FAT3: variants seen among roughly 807,000 people sequenced by gnomAD.
FAT3 encodes the protein FAT atypical cadherin 3.
In FAT3, 95 loss-of-function variants were observed where a neutral mutation model predicts 310.2. The ratio of observed to expected loss-of-function variants is 0.31; its 90% CI spans 0.26 to 0.36. The LOEUF (loss-of-function observed/expected upper bound fraction) is 0.36. Ranked by LOEUF, FAT3 falls within the 10% of genes least tolerant of loss-of-function variation. FAT3 has a pLI of 1.00. For missense variants in FAT3, 5,408 were observed against 5,715.6 expected (o/e 0.95, Z 1.74); for synonymous variants, 2,314 against 2,192.9 (o/e 1.06, Z -1.54).
intron 2 of FAT3, among the ~76,000 whole-genome samples, chr11:92,363,243 C>G (rs918943451): frequency 1.3e-5 from 2 of 152,136 alleles, no homozygotes; most frequent in Non-Finnish European, 2.9e-5. Flanking sequence ...GTCTAATATT[C>G]TTTGTCCAAA....
intron 8 of FAT3, among the ~76,000 whole-genome samples, chr11:92,790,806 T>C (rs1947022029): frequency 6.6e-6 from 1 of 152,220 alleles, no homozygotes; most frequent in African/African-American, 2.4e-5. Flanking sequence ...AAAGTAGTGT[T>C]TAGCTAGTTC....
intron 3 of FAT3, among the ~76,000 whole-genome samples, chr11:92,687,190 C>A (rs552726300): frequency 6.6e-6 from 1 of 152,132 alleles, no homozygotes; most frequent in Non-Finnish European, 1.5e-5. Flanking sequence ...CATCTGAGTA[C>A]AAGCCACTGT....
chr11:92,418,839 G>C (rs533307882), intron 2 of FAT3, among the ~76,000 whole-genome samples: 1 of 152,214 alleles, frequency 6.6e-6, no homozygotes, highest in Non-Finnish European at 1.5e-5. Context: ...GGTGCTGTTG[G>C]TAAATAACAA....
rs567160790 is a variant in FAT3, at chr11:92,311,296, A to T, written c.-17-40800A>T. Among the ~76,000 whole-genome samples the T allele has an allele frequency of 3.9e-5, 6 of 152,292 alleles. No homozygotes were observed. The South Asian group carries it at 1.2e-3, about 32-fold the overall frequency. On this transcript the variant is annotated intron_variant, in intron 1 of 27. Transcript: ENST00000525166. ...ATTACGTCTTATTTTCTTAAGCACT[A>T]GTGATTTACAAGGACCGTTTGGTAG...
At chr11:92,859,366 T>TA (rs1366046858) in intron 21 of FAT3, 44 bp downstream of exon 21, 1 of 1,475,694 alleles carries the variant, frequency 6.8e-7, no homozygotes. Flanking sequence ...GTTCTCATGT[T>TA]AGTGTTTTGG....
chr11:92,463,152 C>G (rs1951676842), intron 2 of FAT3, among the ~76,000 whole-genome samples: 1 of 152,164 alleles, frequency 6.6e-6, no homozygotes, highest in Admixed American at 6.6e-5. Context: ...CACAGAGGAG[C>G]AAATATTTAT....
At chr11:92,630,654 C>G (rs547301574) in intron 3 of FAT3, among the ~76,000 whole-genome samples, 1 of 152,290 alleles carries the variant, frequency 6.6e-6, no homozygotes, top group South Asian at 2.1e-4. Context: ...CTTCCAACAT[C>G]AAAGAATTAT....
Position 92,891,375 on chromosome 11 carries a change from G to C in FAT3, c.*262G>C. On this transcript the variant is annotated 3_prime_UTR_variant, in exon 28 of 28. Coordinates refer to ENST00000525166, the MANE Select transcript of FAT3 (RefSeq NM_001367949.2). The stretch of plus-strand genomic sequence containing the variant: ...CTATGTTCACAGCTAAAAATGCAAA[G>C]AGGGAAAAATTATTTCACCCACTAA... 1 of 507,138 alleles carries C rather than the reference G, an allele frequency of 2.0e-6. No individual in the cohort carries two copies. The highest frequency in any genetic ancestry group is 3.5e-6 in the Non-Finnish European group (1 of 281,742). The allele number at this position is 507,138 out of a possible 1,614,324, so 31.4% of individuals were successfully genotyped here.
intron 3 of FAT3, among the ~76,000 whole-genome samples, chr11:92,640,926 T>G (rs983875133): frequency 6.6e-6 from 1 of 152,248 alleles, no homozygotes; most frequent in South Asian, 2.1e-4. Context: ...AGTGTTCTGG[T>G]CTGGGCATGG....
intron 2 of FAT3, among the ~76,000 whole-genome samples, chr11:92,394,833 T>C (rs1949831145): frequency 6.6e-6 from 1 of 152,208 alleles, no homozygotes; most frequent in African/African-American, 2.4e-5. Context: ...GTTATACAGA[T>C]GAAGGCTATT....
rs137946763 is a variant in FAT3, at chr11:92,518,377, C to T, written c.3293-6257C>T. On this transcript the variant is annotated intron_variant, in intron 2 of 27. Transcript: ENST00000525166. ...TGTCTTTTGCAGAGATAGGATGAAG[C>T]TGGAAACCATCATTCTCAGCAAACT... 5.4e-3 allele frequency among the ~76,000 whole-genome samples: 821 copies of T among 152,116 alleles called. 3 individuals are homozygous for T. The highest frequency in any genetic ancestry group is 0.019 in the African/African-American group (788 of 41,504).
chr11:92,652,472 C>T (rs1565488345), intron 3 of FAT3, among the ~76,000 whole-genome samples: 1 of 150,636 alleles, frequency 6.6e-6, no homozygotes, highest in Admixed American at 6.6e-5. Flanking sequence ...AAATCTGGCC[C>T]ACATTTTCCA....
chr11:92,689,773 G>T (rs1176946122), intron 3 of FAT3, among the ~76,000 whole-genome samples: 2 of 152,080 alleles, frequency 1.3e-5, no homozygotes, highest in African/African-American at 4.8e-5. Flanking sequence ...CATGAGGATG[G>T]CAAGACCACT....
At chr11:92,370,376 A>G (rs1435763522) in intron 2 of FAT3, among the ~76,000 whole-genome samples, 2 of 152,150 alleles carry the variant, frequency 1.3e-5, no homozygotes, top group Non-Finnish European at 2.9e-5. Context: ...TCCAAGTATG[A>G]GATCCGAGGT....
chr11:92,315,930 A>C lies in FAT3; in HGVS notation c.-17-36166A>C, dbSNP rs1947449714. Among the ~76,000 whole-genome samples, 2 of 152,144 alleles carry C rather than the reference A, an allele frequency of 1.3e-5. 1 individual carries two copies. Among genetic ancestry groups the C allele is most frequent in the South Asian group, 4.1e-4 (2 of 4,826 alleles). ...TCTTCATACATAATGAATATTATTA[A>C]AATTGTATTAAATGAACTTTCTGAT... On this transcript the variant is annotated intron_variant, in intron 1 of 27. Coordinates refer to ENST00000525166, the MANE Select transcript of FAT3 (RefSeq NM_001367949.2).
chr11:92,572,438 A>G (rs887193644), intron 3 of FAT3, among the ~76,000 whole-genome samples: 3 of 152,192 alleles, frequency 2.0e-5, no homozygotes, highest in African/African-American at 7.2e-5. Context: ...TCTCACCCAC[A>G]CACTAAATGT....
At chr11:92,326,702 C>T (rs1288090729) in intron 1 of FAT3, among the ~76,000 whole-genome samples, 1 of 152,206 alleles carries the variant, frequency 6.6e-6, no homozygotes, top group Non-Finnish European at 1.5e-5. Flanking sequence ...TCTGCTGGGA[C>T]CAGGCGCAGC....
intron 13 of FAT3, among the ~76,000 whole-genome samples, chr11:92,823,422 T>G (rs533582181): frequency 6.6e-6 from 1 of 152,330 alleles, no homozygotes; most frequent in Non-Finnish European, 1.5e-5. Flanking sequence ...ACTATAGTCT[T>G]ATCCAGCAAT....
intron 1 of FAT3, among the ~76,000 whole-genome samples, chr11:92,262,534 C>T (rs1865599113): frequency 6.6e-6 from 1 of 152,100 alleles, no homozygotes; most frequent in African/African-American, 2.4e-5. Context: ...CAGAAAAGAG[C>T]AGCAGATACA....
Sources: gnomAD v4.1 joint callset for allele counts (sites outside exome capture counted in the v4.1 genomes callset) on GRCh38, gnomAD v4.1.1 for gene constraint, MANE v1.5 for transcripts, NCBI Gene and HGNC (gene_info 2026-07-23, HGNC 2026-07-21) for gene names.